NSD3: variants seen among roughly 807,000 people sequenced by gnomAD.
NSD3 encodes nuclear receptor binding SET domain protein 3.
A neutral mutation model predicts 160.8 loss-of-function variants in NSD3; 24 were observed. That is an observed-to-expected ratio of 0.15 (90% CI 0.11 to 0.21). The LOEUF is 0.21. Ranked by LOEUF, NSD3 falls within the 10% of genes least tolerant of loss-of-function variation. The pLI, the probability that NSD3 is intolerant of heterozygous loss-of-function variation, is 1.00. For synonymous variants in NSD3, 520 were observed against 600.0 expected, an observed-to-expected ratio of 0.87 and a Z score of 1.95; for missense variants, 1,157 against 1,735.9, an observed-to-expected ratio of 0.67 and a Z score of 5.93.
At chr8:38,368,857 A>G (rs1028271997) in intron 1 of NSD3, among the ~76,000 whole-genome samples, 5 of 152,200 alleles carry the variant, frequency 3.3e-5, no homozygotes, top group African/African-American at 1.2e-4. Flanking sequence ...ATCTTGTTCC[A>G]TTCACTATGA....
chr8:38,294,453 G>A (rs1809083322), intron 16 of NSD3, among the ~76,000 whole-genome samples: 1 of 152,106 alleles, frequency 6.6e-6, no homozygotes, highest in East Asian at 1.9e-4. Context: ...AGCCTTAAAG[G>A]AGAAAGTACT....
At chr8:38,361,150 A>G (rs1354427936) in intron 1 of NSD3, among the ~76,000 whole-genome samples, 1 of 151,944 alleles carries the variant, frequency 6.6e-6, no homozygotes, top group Non-Finnish European at 1.5e-5. Flanking sequence ...CGCGCCACCA[A>G]GCCCAGCTAA....
chr8:38,347,989 A>T lies in NSD3; in HGVS notation c.183T>A (p.Ala61=). The T allele has an allele frequency of 6.2e-7, 1 of 1,614,204 alleles. No homozygotes were observed. Among genetic ancestry groups the T allele is most frequent in the Non-Finnish European group, 8.5e-7 (1 of 1,180,038 alleles). Residue 61 remains alanine, a synonymous_variant, in exon 2 of 24, where the codon GCT becomes GCA. Coordinates refer to ENST00000317025, the MANE Select transcript of NSD3 (RefSeq NM_023034.2). ...TGAGTGGAGGAAGATCTTCTGTTGT[A>T]GCTGGGTACTGAAAGCCTTGCTGCA... ...ATLQQGFQYP[A]TTEDLPPLTN...
At position 38,288,676 on chromosome 8, in the gene NSD3, A is replaced by T; in HGVS notation, c.3312T>A (p.Asp1104Glu). 1 of 1,614,248 alleles carries T rather than the reference A, an allele frequency of 6.2e-7. No homozygotes were observed. The highest frequency in any genetic ancestry group is 8.5e-7 in the Non-Finnish European group (1 of 1,180,044). ...EIPRCNCKPA[D>E]ENPCGLESEC... is the part of the protein sequence containing the mutation. ...CCGATTCCAAGCCACAAGGGTTTTC[A>T]TCAGCTGGCTTGCAGTTACAGCGGG... Residue 1104 changes from aspartate to glutamate, a missense_variant, in exon 19 of 24, where the codon GAT becomes GAA. This residue lies in a region of NSD3 where 437 missense variants were observed against 576.6 expected (regional missense o/e 0.76). Transcript: ENST00000317025. This position sits in a 1 kb window ranked among gnomAD's most constrained non-coding sequence, Gnocchi z 4.5.
At chr8:38,307,704 C>T (rs1048473900) in intron 12 of NSD3, among the ~76,000 whole-genome samples, 1 of 152,142 alleles carries the variant, frequency 6.6e-6, no homozygotes, top group Non-Finnish European at 1.5e-5. Flanking sequence ...CACACACACA[C>T]AGACACACAC....
chr8:38,304,476 A>C, intron 14 of NSD3, 111 bp downstream of exon 14: 50 of 1,022,906 alleles, frequency 4.9e-5, no homozygotes, highest in Non-Finnish European at 6.8e-5. Flanking sequence ...TGCACTGGGT[A>C]GGAGATTCTA....
At chr8:38,276,948 T>C (rs992314441) in intron 22 of NSD3, among the ~76,000 whole-genome samples, 13 of 152,008 alleles carry the variant, frequency 8.6e-5, no homozygotes, top group Non-Finnish European at 1.5e-4. Context: ...CAGCCTTTCA[T>C]TGACTTTTTT....
chr8:38,271,135 A>C lies in NSD3; in HGVS notation c.*4506T>G, dbSNP rs1250338923. ...TATCTCATGCAGGAGTCTCTTCCTC[A>C]AATGTGTTCAATCAATCTGAGCTAT... On this transcript the variant is annotated 3_prime_UTR_variant, in exon 24 of 24. Transcript: ENST00000317025. The C allele has an allele frequency of 6.6e-6, 1 of 152,200 alleles. No individual in the cohort carries two copies. The highest frequency in any genetic ancestry group is 1.9e-4 in the East Asian group (1 of 5,194). 9.4% of individuals were successfully genotyped at this position (152,200 alleles called of 1,614,324 possible).
At chr8:38,348,277 A>G (rs1434582703) in intron 1 of NSD3, 62 bp from the exon 2 acceptor site, 5 of 1,317,802 alleles carry the variant, frequency 3.8e-6, no homozygotes, top group African/African-American at 1.5e-5. Context: ...AGGCTAATCA[A>G]CTGAAAAAGG....
intron 1 of NSD3, among the ~76,000 whole-genome samples, chr8:38,359,605 C>G (rs1001114540): frequency 2.0e-5 from 3 of 152,172 alleles, no homozygotes; most frequent in Non-Finnish European, 4.4e-5. Context: ...AAATGTTTGT[C>G]TTTTATTCAC....
At chr8:38,337,558 CT>C in intron 3 of NSD3, 91 bp from the exon 4 acceptor site, 1 of 1,183,614 alleles carries the variant, frequency 8.4e-7, no homozygotes. Context: ...GTAATTTTAT[CT>C]TCAGTTATAC....
At position 38,275,419 on chromosome 8, in the gene NSD3, C is replaced by T; in HGVS notation, c.*222G>A. On this transcript the variant is annotated 3_prime_UTR_variant, in exon 24 of 24. Transcript: ENST00000317025. ...AAGCACAATAAAAGGCAAGAAAAGA[C>T]CAAGGGAATTTAACCCTCCACAAAA... 1 of 511,914 alleles carries T rather than the reference C, an allele frequency of 2.0e-6. No individual in the cohort carries two copies. The highest frequency in any genetic ancestry group is 3.0e-5 in the South Asian group (1 of 33,430). 31.7% of individuals were successfully genotyped at this position (511,914 alleles called of 1,614,324 possible).
intron 1 of NSD3, among the ~76,000 whole-genome samples, chr8:38,378,296 G>C (rs183390687): frequency 6.6e-6 from 1 of 152,028 alleles, no homozygotes; most frequent in African/African-American, 2.4e-5. Context: ...ACGAGGTCAG[G>C]AGTTTGAGAC....
chr8:38,361,376 T>TAA (rs1329438775), intron 1 of NSD3, among the ~76,000 whole-genome samples: 7 of 139,788 alleles, frequency 5.0e-5, no homozygotes, highest in African/African-American at 1.9e-4. Flanking sequence ...GCAAGCCGCC[T>TAA]GCCTTGGCCT....
At chr8:38,297,660 G>A (rs1355404137) in intron 15 of NSD3, among the ~76,000 whole-genome samples, 1 of 152,078 alleles carries the variant, frequency 6.6e-6, no homozygotes, top group East Asian at 1.9e-4. Context: ...TATTTCCTCT[G>A]CTTAAAAGCT....
Position 38,362,253 on chromosome 8 carries a change from AGGCGGGG to A in NSD3, c.-44-14045_-44-14039del, listed in dbSNP as rs1308591639. Among the ~76,000 whole-genome samples, 4 of 554 alleles carry A rather than the reference AGGCGGGG, an allele frequency of 7.2e-3. 1 individual carries two copies. Among genetic ancestry groups the A allele is most frequent in the Non-Finnish European group, 0.013 (3 of 226 alleles). The allele number at this position is 554 out of a possible 152,430, so 0.4% of individuals were successfully genotyped here. ...CAAAACAGAATAGAGTATTACAGTA[AGGCGGGG>A]GGGGGGGGGGGGGCACAAGATTGGA... On this transcript the variant is annotated intron_variant, in intron 1 of 23. Transcript: ENST00000317025.
chr8:38,271,598 A>G lies in NSD3; in HGVS notation c.*4043T>C, dbSNP rs557096277. On this transcript the variant is annotated 3_prime_UTR_variant, in exon 24 of 24. Transcript: ENST00000317025. ...AGTTCTACTTTTTGTTTTACAAATAACCAGAGACCAATTCTAGGTGGCCCT... is the reference window on the plus strand; with the variant it reads ...AGTTCTACTTTTTGTTTTACAAATAGCCAGAGACCAATTCTAGGTGGCCCT... 1 of 152,336 alleles carries G rather than the reference A, an allele frequency of 6.6e-6. No homozygotes were observed. The highest frequency in any genetic ancestry group is 1.5e-5 in the Non-Finnish European group (1 of 68,028). 9.4% of individuals were successfully genotyped at this position (152,336 alleles called of 1,614,324 possible).
At chr8:38,359,552 G>C (rs1421582643) in intron 1 of NSD3, among the ~76,000 whole-genome samples, 6 of 152,110 alleles carry the variant, frequency 3.9e-5, no homozygotes, top group Non-Finnish European at 8.8e-5. Flanking sequence ...CTGGTTCTAA[G>C]AACTTGACCA....
intron 15 of NSD3, among the ~76,000 whole-genome samples, chr8:38,298,626 G>C (rs1809211419): frequency 6.6e-6 from 1 of 151,926 alleles, no homozygotes; most frequent in Admixed American, 6.6e-5. Flanking sequence ...GATCATAATG[G>C]GAATGTACAC....
Sources: gnomAD v4.1 joint callset for allele counts (sites outside exome capture counted in the v4.1 genomes callset) on GRCh38, gnomAD v4.1.1 for gene constraint, gnomAD v4.1.1 regional missense constraint, Gnocchi (gnomAD v3.1) non-coding constraint, MANE v1.5 for transcripts, NCBI Gene and HGNC (gene_info 2026-07-23, HGNC 2026-07-21) for gene names.